Variants in PCDHGA5 observed in about 807,000 individuals in gnomAD.
PCDHGA5 encodes the protein protocadherin gamma-A5.
A neutral mutation model predicts 56.7 loss-of-function variants in PCDHGA5; 36 were observed. The ratio of observed to expected loss-of-function variants is 0.64; its 90% CI spans 0.49 to 0.84. The LOEUF is 0.84. PCDHGA5 is among the 40% of genes least tolerant of loss of function. The pLI is 0.00. For missense variants in PCDHGA5, 1,305 were observed against 1,201.5 expected (o/e 1.09, Z -1.27); for synonymous variants, 563 against 520.2 (o/e 1.08, Z -1.12).
intron 1 of PCDHGA5, among the ~76,000 whole-genome samples, chr5:141,472,313 A>G (rs1411876003): frequency 6.7e-6 from 1 of 150,164 alleles, no homozygotes; most frequent in East Asian, 2.0e-4. Context: ...AAGCCGAGGC[A>G]GGCAGATCAC....
chr5:141,489,271 G>A lies in PCDHGA5; in HGVS notation c.2422-5536G>A, dbSNP rs1431562179. The A allele has an allele frequency of 2.4e-5, 37 of 1,554,676 alleles. No individual in the cohort carries two copies. The highest frequency in any genetic ancestry group is 3.0e-5 in the Non-Finnish European group (35 of 1,150,770). ...GCCCAAGACACTCCCACAGCTCGCT[G>A]GGAAATGGCAAGTGCTGTGCATGTT... On this transcript the variant is annotated intron_variant, in intron 1 of 3. Transcript: ENST00000518069. The surrounding 1 kb of genome is among the most constrained non-coding windows in gnomAD (Gnocchi z 4.5).
At position 141,431,174 on chromosome 5, in the gene PCDHGA5, G is replaced by C. The variant is rs568632160; in HGVS notation, c.2422-63633G>C. 6.2e-7 allele frequency: 1 copy of C among 1,614,224 alleles called. No individual in the cohort carries two copies. The highest frequency in any genetic ancestry group is 1.1e-5 in the South Asian group (1 of 91,088). ...GCCTTACTTTCGTGAAAGTGAATTA[G>C]AAATAAAAATTAGTGAAAATGCAGC... is the stretch of plus-strand genomic sequence containing the variant. On this transcript the variant is annotated intron_variant, in intron 1 of 3. Coordinates refer to ENST00000518069, the MANE Select transcript of PCDHGA5 (RefSeq NM_018918.3). This position sits in a 1 kb window ranked among gnomAD's most constrained non-coding sequence, Gnocchi z 4.8.
At chr5:141,391,452 C>T (rs1004301347) in intron 1 of PCDHGA5, 13 of 152,114 alleles carry the variant, frequency 8.5e-5, no homozygotes, top group African/African-American at 3.1e-4. Context: ...AGCTGGAACT[C>T]AGGCTCATGC....
chr5:141,394,592 G>C (rs754585576), intron 1 of PCDHGA5: 84 of 1,613,642 alleles, frequency 5.2e-5, no homozygotes, highest in South Asian at 3.7e-4. Context: ...AGGTGGTGGC[G>C]GTGGACAGAG....
rs1057374827 is a variant in PCDHGA5, at chr5:141,485,503, C to G, written c.2422-9304C>G. 3.1e-6 allele frequency: 5 copies of G among 1,613,978 alleles called. No homozygotes were observed. Among genetic ancestry groups the G allele is most frequent in the Non-Finnish European group, 4.2e-6 (5 of 1,180,016 alleles). On this transcript the variant is annotated intron_variant, in intron 1 of 3. Coordinates refer to ENST00000518069, the MANE Select transcript of PCDHGA5 (RefSeq NM_018918.3). This position sits in a 1 kb window ranked among gnomAD's most constrained non-coding sequence, Gnocchi z 5.7. ...GCATCGTGCCCCTGGAGTTTGTCACCGAAGGTCCTTTGGAAATGTACCGAG... is the reference window on the plus strand; with the variant it reads ...GCATCGTGCCCCTGGAGTTTGTCACGGAAGGTCCTTTGGAAATGTACCGAG...
Position 141,432,484 on chromosome 5 carries a change from G to A in PCDHGA5, c.2422-62323G>A, listed in dbSNP as rs1164877592. On this transcript the variant is annotated intron_variant, in intron 1 of 3. Transcript: ENST00000518069. The surrounding 1 kb of genome is among the most constrained non-coding windows in gnomAD (Gnocchi z 6.0). ...TCCCCACGGACGGTTCCACTGGCGTGGAGCTGGCTCCCCGCTCCGCAGAGC... is the reference window on the plus strand; with the variant it reads ...TCCCCACGGACGGTTCCACTGGCGTAGAGCTGGCTCCCCGCTCCGCAGAGC... 8.7e-6 allele frequency: 14 copies of A among 1,614,196 alleles called. No individual in the cohort carries two copies. Among genetic ancestry groups the A allele is most frequent in the Non-Finnish European group, 1.2e-5 (14 of 1,180,046 alleles).
intron 1 of PCDHGA5, chr5:141,392,820 G>C (rs1474865202): frequency 1.3e-6 from 2 of 1,592,748 alleles, no homozygotes; most frequent in Admixed American, 3.6e-5. Context: ...AACAATGGCC[G>C]CTCCACAGAG....
chr5:141,497,326 T>C (rs1021730142), intron 2 of PCDHGA5, among the ~76,000 whole-genome samples: 1 of 152,060 alleles, frequency 6.6e-6, no homozygotes, highest in Non-Finnish European at 1.5e-5. Flanking sequence ...TGAAGCAGAA[T>C]TCACCATTGA....
intron 1 of PCDHGA5, chr5:141,372,199 C>T: frequency 9.3e-6 from 15 of 1,613,572 alleles, no homozygotes; most frequent in Non-Finnish European, 1.3e-5. Flanking sequence ...GGATACAACG[C>T]CTGGCTGTCC....
At position 141,421,672 on chromosome 5, in the gene PCDHGA5, C is replaced by T; in HGVS notation, c.2421+54921C>T. On this transcript the variant is annotated intron_variant, in intron 1 of 3. Coordinates refer to ENST00000518069, the MANE Select transcript of PCDHGA5 (RefSeq NM_018918.3). Reference sequence around the variant, plus strand: ...GATAAAAGTCAGTGAGCACGCAATTCCTGGGGCGCGATTTGCTCTTCCTAA... The same window carrying T: ...GATAAAAGTCAGTGAGCACGCAATTTCTGGGGCGCGATTTGCTCTTCCTAA... 4 of 1,613,862 alleles carry T rather than the reference C, an allele frequency of 2.5e-6. No individual in the cohort carries two copies. The highest frequency in any genetic ancestry group is 1.6e-4 in the Middle Eastern group (1 of 6,062).
In PCDHGA5 at chr5:141,383,779, C is replaced by G. The variant is rs1779468390; in HGVS notation, c.2421+17028C>G. 1 of 1,614,002 alleles carries G rather than the reference C, an allele frequency of 6.2e-7. No homozygotes were observed. ...TCCTAAACTTCCAAAGATGTTTCATCTGAACTCGCTTACAGGAGAAATATC... is the reference window on the plus strand; with the variant it reads ...TCCTAAACTTCCAAAGATGTTTCATGTGAACTCGCTTACAGGAGAAATATC... On this transcript the variant is annotated intron_variant, in intron 1 of 3. Coordinates refer to ENST00000518069, the MANE Select transcript of PCDHGA5 (RefSeq NM_018918.3).
Position 141,490,845 on chromosome 5 carries a change from G to T in PCDHGA5, c.2422-3962G>T, listed in dbSNP as rs748605746. The T allele has an allele frequency of 1.4e-5, 22 of 1,613,726 alleles. No individual in the cohort carries two copies. The highest frequency in any genetic ancestry group is 1.7e-5 in the Non-Finnish European group (20 of 1,179,894). On this transcript the variant is annotated intron_variant, in intron 1 of 3. Coordinates refer to ENST00000518069, the MANE Select transcript of PCDHGA5 (RefSeq NM_018918.3). This position sits in a 1 kb window ranked among gnomAD's most constrained non-coding sequence, Gnocchi z 5.4. ...TGCAGATGCTGCAGATTGTGGTGGG[G>T]GTTCGAGACTCCGGCTCTCCCCCAT...
chr5:141,412,459 A>C (rs1267719740), intron 1 of PCDHGA5: 1 of 152,232 alleles, frequency 6.6e-6, no homozygotes, highest in Non-Finnish European at 1.5e-5. Flanking sequence ...AAACTATTCT[A>C]GAAGAGTACT....
At chr5:141,411,783 G>C (rs1191623081) in intron 1 of PCDHGA5, 1 of 152,338 alleles carries the variant, frequency 6.6e-6, no homozygotes, top group Non-Finnish European at 1.5e-5. Context: ...TCTGGTGGCT[G>C]TGGTGGGAGA....
intron 1 of PCDHGA5, among the ~76,000 whole-genome samples, chr5:141,380,036 A>G (rs956010393): frequency 3.3e-5 from 5 of 151,364 alleles, no homozygotes; most frequent in African/African-American, 1.2e-4. Flanking sequence ...AGTAGCTGGG[A>G]TTACAGGTGC....
intron 1 of PCDHGA5, among the ~76,000 whole-genome samples, chr5:141,386,558 G>A (rs931142144): frequency 6.6e-5 from 10 of 151,826 alleles, no homozygotes; most frequent in African/African-American, 2.4e-4. Flanking sequence ...GTAGTATTTT[G>A]CACATGATAG....
At chr5:141,399,593 C>T in intron 1 of PCDHGA5, 1 of 1,613,988 alleles carries the variant, frequency 6.2e-7, no homozygotes, top group Non-Finnish European at 8.5e-7. Flanking sequence ...TCTATCATGG[C>T]CAGCGACCTA....
chr5:141,447,018 G>GT (rs1329161304), intron 1 of PCDHGA5, among the ~76,000 whole-genome samples: 6 of 142,194 alleles, frequency 4.2e-5, no homozygotes, highest in African/African-American at 1.6e-4. Context: ...GTTCAGTTTT[G>GT]TTTTGTTTTT....
chr5:141,408,922 G>C, intron 1 of PCDHGA5: 1 of 1,613,222 alleles, frequency 6.2e-7, no homozygotes. Context: ...ATAACCCCCC[G>C]GTTTTCAGCA....
Sources: gnomAD v4.1 joint callset for allele counts (sites outside exome capture counted in the v4.1 genomes callset) on GRCh38, gnomAD v4.1.1 for gene constraint, Gnocchi (gnomAD v3.1) non-coding constraint, MANE v1.5 for transcripts, NCBI Gene and HGNC (gene_info 2026-07-23, HGNC 2026-07-21) for gene names.